PLD5: variants seen among roughly 807,000 people sequenced by gnomAD.
PLD5 encodes the protein phospholipase D family member 5.
A neutral mutation model predicts 61.1 loss-of-function variants in PLD5; 36 were observed. That is an observed-to-expected ratio of 0.59 (90% confidence interval 0.45 to 0.78). PLD5 has a LOEUF of 0.78. PLD5 is among the 30% of genes least tolerant of loss of function. The probability of loss-of-function intolerance (pLI) is 0.00; values close to 1 mark genes in which losing one functional copy is unlikely to be tolerated. For missense variants in PLD5, 515 were observed against 644.4 expected, an observed-to-expected ratio of 0.80 and a Z score of 2.17; for synonymous variants, 243 against 242.8, an observed-to-expected ratio of 1.00 and a Z score of -0.01.
intron 3 of PLD5, among the ~76,000 whole-genome samples, chr1:242,268,632 T>C (rs1468347721): frequency 6.6e-6 from 1 of 152,208 alleles, no homozygotes; most frequent in Non-Finnish European, 1.5e-5. Flanking sequence ...ATTATAGTGC[T>C]CACTGTAACG....
At chr1:242,489,384 A>AAC (rs1245516302) in intron 1 of PLD5, among the ~76,000 whole-genome samples, 7 of 152,062 alleles carry the variant, frequency 4.6e-5, no homozygotes, top group Admixed American at 6.6e-5. Context: ...TTAAAAAAAA[A>AAC]AACAGAGAAA....
chr1:242,448,525 G>A (rs944345260), intron 1 of PLD5, among the ~76,000 whole-genome samples: 5 of 151,992 alleles, frequency 3.3e-5, no homozygotes, highest in Non-Finnish European at 5.9e-5. Context: ...TAATCCTTTC[G>A]AGAAAATGTT....
chr1:242,449,570 T>C (rs1455676295), intron 1 of PLD5: 59 of 1,408,352 alleles, frequency 4.2e-5, no homozygotes, highest in Non-Finnish European at 5.4e-5. Context: ...GGCTGCAGCT[T>C]GCAATTTCAG....
intron 5 of PLD5, among the ~76,000 whole-genome samples, chr1:242,143,982 G>T (rs1168930838): frequency 6.7e-6 from 1 of 150,112 alleles, no homozygotes; most frequent in South Asian, 2.2e-4. Flanking sequence ...CGATTCTCAT[G>T]CCTCAGCCTC....
chr1:242,142,484 T>C (rs1406494096), intron 5 of PLD5, among the ~76,000 whole-genome samples: 1 of 152,204 alleles, frequency 6.6e-6, no homozygotes. Flanking sequence ...ATTCTACAAC[T>C]GCCTATTTTT....
chr1:242,185,001 C>A (rs1225587549), intron 5 of PLD5, among the ~76,000 whole-genome samples: 1 of 152,168 alleles, frequency 6.6e-6, no homozygotes, highest in African/African-American at 2.4e-5. Flanking sequence ...CTGTAGCAGG[C>A]TTCTTAAAGC....
chr1:242,402,029 G>A (rs942257181), intron 1 of PLD5, among the ~76,000 whole-genome samples: 2 of 152,150 alleles, frequency 1.3e-5, no homozygotes, highest in African/African-American at 2.4e-5. Flanking sequence ...CCCGGCTTCC[G>A]CCTGCACCAT....
intron 2 of PLD5, among the ~76,000 whole-genome samples, chr1:242,312,845 G>A (rs1676781221): frequency 1.3e-5 from 2 of 152,150 alleles, no homozygotes; most frequent in African/African-American, 4.8e-5. Flanking sequence ...TGTTTAATGT[G>A]GATTTTTCTT....
At chr1:242,291,523 C>T (rs2118976) in intron 2 of PLD5, among the ~76,000 whole-genome samples, 134,995 of 152,138 alleles carry the variant, frequency 0.89, 60,035 homozygotes, top group East Asian at 0.94. Flanking sequence ...AAACTGACAA[C>T]GGGCCAGGTG....
chr1:242,137,450 G>C (rs1179174657), intron 5 of PLD5, among the ~76,000 whole-genome samples: 1 of 152,144 alleles, frequency 6.6e-6, no homozygotes, highest in African/African-American at 2.4e-5. Context: ...GCTCCAGATA[G>C]TCGCTACCTG....
intron 3 of PLD5, among the ~76,000 whole-genome samples, chr1:242,273,870 C>T (rs1274063516): frequency 2.0e-5 from 3 of 152,128 alleles, no homozygotes; most frequent in Non-Finnish European, 4.4e-5. Flanking sequence ...CAGCAGCAAG[C>T]CAAGGAATGC....
intron 1 of PLD5, among the ~76,000 whole-genome samples, chr1:242,446,842 G>A (rs1666562360): frequency 6.6e-6 from 1 of 152,180 alleles, no homozygotes; most frequent in African/African-American, 2.4e-5. Context: ...CACCCATCTA[G>A]CGCCTGCTCT....
chr1:242,497,123 T>C (rs1163956299), intron 1 of PLD5, among the ~76,000 whole-genome samples: 1 of 152,170 alleles, frequency 6.6e-6, no homozygotes, highest in Admixed American at 6.5e-5. Flanking sequence ...CGAAGTTCTA[T>C]CTTCATAAGC....
At chr1:242,372,971 C>T (rs954208920) in intron 1 of PLD5, among the ~76,000 whole-genome samples, 7 of 152,132 alleles carry the variant, frequency 4.6e-5, no homozygotes, top group African/African-American at 1.7e-4. Flanking sequence ...AGAGCTTCTG[C>T]ACAGCAAAAG....
chr1:242,469,074 C>T (rs988954433), intron 1 of PLD5, among the ~76,000 whole-genome samples: 2 of 152,178 alleles, frequency 1.3e-5, no homozygotes, highest in East Asian at 1.9e-4. Context: ...GCTTAAGAGT[C>T]CCCCTGGAAA....
At chr1:242,223,103 G>A (rs941908446) in intron 4 of PLD5, among the ~76,000 whole-genome samples, 2 of 152,212 alleles carry the variant, frequency 1.3e-5, no homozygotes, top group African/African-American at 4.8e-5. Flanking sequence ...TCGGTGTCTA[G>A]TGAAGGTCGA....
intron 5 of PLD5, among the ~76,000 whole-genome samples, chr1:242,184,296 C>T (rs1302193774): frequency 6.6e-6 from 1 of 152,242 alleles, no homozygotes; most frequent in African/African-American, 2.4e-5. Flanking sequence ...GAAATATCCA[C>T]AGCACCTACG....
chr1:242,313,320 G>A (rs1032969719), intron 2 of PLD5, among the ~76,000 whole-genome samples: 12 of 152,152 alleles, frequency 7.9e-5, no homozygotes, highest in African/African-American at 2.7e-4. Context: ...CCTCTGCAGT[G>A]CTATTGTGTA....
chr1:242,253,859 A>G (rs954344932), intron 4 of PLD5, among the ~76,000 whole-genome samples: 7 of 152,240 alleles, frequency 4.6e-5, no homozygotes, highest in African/African-American at 1.7e-4. Flanking sequence ...TTAGATGGGT[A>G]CGACTATATT....
Sources: gnomAD v4.1 joint callset for allele counts (sites outside exome capture counted in the v4.1 genomes callset) on GRCh38, gnomAD v4.1.1 for gene constraint, MANE v1.5 for transcripts, NCBI Gene and HGNC (gene_info 2026-07-23, HGNC 2026-07-21) for gene names.